SSBP3: variants seen among roughly 807,000 people sequenced by gnomAD.
SSBP3 encodes the protein single stranded DNA binding protein 3.
Under a neutral mutation model 69.6 loss-of-function variants are expected in SSBP3, and 5 were observed. The ratio of observed to expected loss-of-function variants is 0.07; its 90% CI spans 0.04 to 0.15. The LOEUF (loss-of-function observed/expected upper bound fraction) is 0.15. Ranked by LOEUF, SSBP3 falls within the 10% of genes least tolerant of loss-of-function variation. The pLI, the probability that SSBP3 is intolerant of heterozygous loss-of-function variation, is 1.00. For missense variants in SSBP3, 312 were observed against 534.0 expected (o/e 0.58, Z 4.10); for synonymous variants, 196 against 193.4 (o/e 1.01, Z -0.11).
At chr1:54,393,162 A>C (rs562580600) in intron 4 of SSBP3, among the ~76,000 whole-genome samples, 205 of 152,384 alleles carry the variant, frequency 1.3e-3, no homozygotes, top group Non-Finnish European at 2.2e-3. Context: ...GGGCAACTTC[A>C]GGCCAGGCAC....
intron 4 of SSBP3, among the ~76,000 whole-genome samples, chr1:54,327,217 A>AAGGAAGGAAGGAAGGAAGGAAGG (rs1646322196): frequency 7.5e-6 from 1 of 134,066 alleles, no homozygotes; most frequent in Non-Finnish European, 1.6e-5. Context: ...AAGAGAGGGA[A>AAGGAAGGAAGGAAGGAAGGAAGG]AAGGAAGGAA....
chr1:54,282,644 G>T (rs1557493069), intron 4 of SSBP3, among the ~76,000 whole-genome samples: 1 of 152,200 alleles, frequency 6.6e-6, no homozygotes. Context: ...AGGCGGGGCG[G>T]GGCGAGGCTG....
intron 4 of SSBP3, among the ~76,000 whole-genome samples, chr1:54,340,309 G>A (rs545485659): frequency 5.1e-4 from 78 of 152,184 alleles, no homozygotes; most frequent in Non-Finnish European, 9.6e-4. Flanking sequence ...AAAGGGAGTC[G>A]GTATCCCCGC....
At chr1:54,259,403 TCTC>T (rs1279818069) in intron 5 of SSBP3, among the ~76,000 whole-genome samples, 1 of 151,994 alleles carries the variant, frequency 6.6e-6, no homozygotes, top group African/African-American at 2.4e-5. Flanking sequence ...ACCAAAGGAC[TCTC>T]CTACCATGGG....
intron 4 of SSBP3, among the ~76,000 whole-genome samples, chr1:54,373,053 C>T (rs949001481): frequency 2.6e-5 from 4 of 152,228 alleles, no homozygotes; most frequent in East Asian, 1.9e-4. Flanking sequence ...GGGCTGTGCA[C>T]GCGTGACTCT....
intron 4 of SSBP3, among the ~76,000 whole-genome samples, chr1:54,322,888 A>C (rs1646238882): frequency 6.6e-6 from 1 of 152,180 alleles, no homozygotes. Flanking sequence ...GGTTGCCCTC[A>C]AACTGCCCCA....
At chr1:54,261,282 G>A (rs1645013718) in intron 5 of SSBP3, among the ~76,000 whole-genome samples, 1 of 152,232 alleles carries the variant, frequency 6.6e-6, no homozygotes, top group African/African-American at 2.4e-5. Flanking sequence ...GCTGCCCTGT[G>A]TTTTATTAGG....
intron 4 of SSBP3, chr1:54,287,340 G>C (rs759554026): frequency 6.6e-6 from 1 of 152,202 alleles, no homozygotes; most frequent in South Asian, 2.1e-4. Flanking sequence ...CAGCTTGGGG[G>C]CCACATGCAG....
At chr1:54,238,876 C>T in intron 14 of SSBP3, 1 of 410,150 alleles carries the variant, frequency 2.4e-6, no homozygotes, top group South Asian at 2.1e-5. Flanking sequence ...GGTGGCAAGT[C>T]CCAGCAGCAC....
chr1:54,280,207 A>C (rs1485295455), intron 5 of SSBP3, among the ~76,000 whole-genome samples: 6 of 152,206 alleles, frequency 3.9e-5, no homozygotes, highest in Non-Finnish European at 8.8e-5. Flanking sequence ...TTCTCTCAGG[A>C]GTTAACACCA....
chr1:54,277,042 C>T (rs974682508), intron 5 of SSBP3, among the ~76,000 whole-genome samples: 15 of 152,100 alleles, frequency 9.9e-5, no homozygotes, highest in South Asian at 6.2e-4. Flanking sequence ...TGATTCAGTT[C>T]GAGCCTGGAA....
chr1:54,299,230 T>C (rs6588511), intron 4 of SSBP3, among the ~76,000 whole-genome samples: 150,777 of 152,270 alleles, frequency 0.99, 74,655 homozygotes, highest in Middle Eastern at 1. Flanking sequence ...CCACACCCTC[T>C]GGGACTTGCT....
At chr1:54,354,746 A>T (rs1338803899) in intron 4 of SSBP3, among the ~76,000 whole-genome samples, 1 of 152,168 alleles carries the variant, frequency 6.6e-6, no homozygotes, top group Non-Finnish European at 1.5e-5. Flanking sequence ...TCAAAAAACA[A>T]GAAACCCAGG....
intron 4 of SSBP3, among the ~76,000 whole-genome samples, chr1:54,396,448 C>T (rs1346485368): frequency 6.6e-6 from 1 of 152,142 alleles, no homozygotes; most frequent in African/African-American, 2.4e-5. Context: ...TCTTGGCTGA[C>T]AGATCCCCAA....
At chr1:54,409,900 C>T (rs915960836), upstream of SSBP3, among the ~76,000 whole-genome samples, 21 of 152,214 alleles carry the variant, frequency 1.4e-4, no homozygotes, top group African/African-American at 5.1e-4. Context: ...CTGCCCAAAG[C>T]CCCCTCCGGT....
intron 4 of SSBP3, among the ~76,000 whole-genome samples, chr1:54,308,503 A>G (rs1197483484): frequency 6.6e-6 from 1 of 151,730 alleles, no homozygotes; most frequent in East Asian, 1.9e-4. Context: ...TAGGAGGCTG[A>G]GGCAGGAGAA....
rs775487322 is a variant in SSBP3 at position 54,228,226 on chromosome 1, G to A, written c.1137+29C>T. Reference sequence around the variant, plus strand: ...GAAAGAGTCCCCAGGCCGTGGGGACGAGAGCAACAGGCAGGGGGCGAGGCT... The same window carrying A: ...GAAAGAGTCCCCAGGCCGTGGGGACAAGAGCAACAGGCAGGGGGCGAGGCT... On this transcript the variant is annotated intron_variant, in intron 17 of 17. Coordinates refer to ENST00000610401, the Ensembl canonical transcript of SSBP3. The A allele has an allele frequency of 3.2e-5, 51 of 1,599,668 alleles. No individual in the cohort carries two copies. In the South Asian group the frequency reaches 3.7e-4, roughly 12 times the overall value.
chr1:54,379,485 G>A (rs916344891), intron 4 of SSBP3, among the ~76,000 whole-genome samples: 1 of 152,224 alleles, frequency 6.6e-6, no homozygotes. Context: ...AACCCTCAGG[G>A]CTGTCTTCAC....
intron 4 of SSBP3, among the ~76,000 whole-genome samples, chr1:54,362,299 A>G (rs1395705669): frequency 2.0e-5 from 3 of 152,170 alleles, no homozygotes; most frequent in Non-Finnish European, 4.4e-5. Flanking sequence ...CTCAACTAAG[A>G]GCAAATCTCC....
Sources: allele counts gnomAD v4.1 joint callset (sites outside exome capture counted in the v4.1 genomes callset), GRCh38; gene constraint gnomAD v4.1.1; transcripts MANE v1.5; gene names NCBI Gene and HGNC (gene_info 2026-07-23, HGNC 2026-07-21).